The following METTL24 variants were observed in gnomAD, a reference collection of about 807,000 sequenced individuals.
The protein encoded by METTL24 is methyltransferase like 24, also known as probable methyltransferase-like protein 24.
A neutral mutation model predicts 32.7 loss-of-function variants in METTL24; 29 were observed. The observed-to-expected ratio is 0.89, with a 90% confidence interval of 0.66 to 1.21. The LOEUF is 1.21. Ranked by LOEUF, METTL24 falls within the 50% of genes most tolerant of loss-of-function variation. The probability of loss-of-function intolerance (pLI) is 0.00; values close to 1 mark genes in which losing one functional copy is unlikely to be tolerated. For synonymous variants in METTL24, 163 were observed against 179.5 expected (o/e 0.91, Z 0.73); for missense variants, 439 against 468.1 (o/e 0.94, Z 0.57).
intron 1 of METTL24, chr6:110,332,402 G>T: frequency 4.0e-6 from 2 of 495,946 alleles, no homozygotes; most frequent in Non-Finnish European, 5.2e-6. Context: ...ATATATTTTA[G>T]ATTTTTATCA....
intron 1 of METTL24, among the ~76,000 whole-genome samples, chr6:110,326,563 A>T (rs113442106): frequency 0.066 from 9,992 of 152,272 alleles, 1,108 homozygotes; most frequent in African/African-American, 0.23. Context: ...TCAGTCAGGG[A>T]CCCAGCAGGA....
At chr6:110,255,306 A>G (rs1242845274) in intron 4 of METTL24, among the ~76,000 whole-genome samples, 1 of 152,214 alleles carries the variant, frequency 6.6e-6, no homozygotes, top group Non-Finnish European at 1.5e-5. Context: ...AGCTTGATGA[A>G]ATAATCCAAC....
In METTL24 at chr6:110,345,674, G is replaced by A. The variant is rs189812816; in HGVS notation, c.318+12281C>T. 3.9e-5 allele frequency among the ~76,000 whole-genome samples: 6 copies of A among 152,262 alleles called. No homozygotes were observed. In the East Asian group the frequency reaches 1.2e-3, roughly 29 times the overall value. ...CATTACTGTTAGTAAACTAATACAGGAACAGAAAACCAAATACCGTATATT... is the reference window on the plus strand; with the variant it reads ...CATTACTGTTAGTAAACTAATACAGAAACAGAAAACCAAATACCGTATATT... On this transcript the variant is annotated intron_variant, in intron 1 of 4. Coordinates refer to ENST00000338882, the MANE Select transcript of METTL24 (RefSeq NM_001123364.3).
chr6:110,276,450 T>A (rs1343537278), intron 4 of METTL24, among the ~76,000 whole-genome samples: 1 of 152,028 alleles, frequency 6.6e-6, no homozygotes, highest in Non-Finnish European at 1.5e-5. Context: ...GGCTGTGTCT[T>A]AAAAACAAAC....
chr6:110,350,803 A>C (rs576069109), intron 1 of METTL24, among the ~76,000 whole-genome samples: 3 of 150,272 alleles, frequency 2.0e-5, no homozygotes, highest in South Asian at 4.2e-4. Context: ...AAAATAAAAT[A>C]AAATAAAATA....
intron 3 of METTL24, among the ~76,000 whole-genome samples, chr6:110,304,576 G>A (rs1771594902): frequency 6.6e-6 from 1 of 152,186 alleles, no homozygotes. Flanking sequence ...ATCAGAGATT[G>A]AAGATCGACT....
At chr6:110,338,069 C>T (rs1392893407) in intron 1 of METTL24, among the ~76,000 whole-genome samples, 1 of 152,190 alleles carries the variant, frequency 6.6e-6, no homozygotes, top group Non-Finnish European at 1.5e-5. Flanking sequence ...ATGATATAAT[C>T]CTCAGGGCTG....
At chr6:110,270,837 C>CT (rs3075091) in intron 4 of METTL24, among the ~76,000 whole-genome samples, 12,744 of 124,698 alleles carry the variant, frequency 0.1, 1,275 homozygotes, top group African/African-American at 0.25. Flanking sequence ...CATCTTGATT[C>CT]TTTTTTTTTT....
chr6:110,351,805 T>A (rs1034254755), intron 1 of METTL24, among the ~76,000 whole-genome samples: 2 of 152,202 alleles, frequency 1.3e-5, no homozygotes, highest in African/African-American at 4.8e-5. Flanking sequence ...ACCTGTATTA[T>A]AATAGCACTT....
At chr6:110,300,870 A>G (rs1472260309) in intron 3 of METTL24, among the ~76,000 whole-genome samples, 2 of 152,238 alleles carry the variant, frequency 1.3e-5, no homozygotes, top group African/African-American at 4.8e-5. Context: ...CAGTATAATC[A>G]CTATTACATG....
chr6:110,286,788 G>T (rs537597427), intron 4 of METTL24, among the ~76,000 whole-genome samples: 6 of 152,176 alleles, frequency 3.9e-5, no homozygotes, highest in Non-Finnish European at 8.8e-5. Context: ...CCCTTAATCC[G>T]AGTGGGCACA....
At chr6:110,296,378 T>C (rs1771419847) in intron 4 of METTL24, among the ~76,000 whole-genome samples, 1 of 152,360 alleles carries the variant, frequency 6.6e-6, no homozygotes, top group African/African-American at 2.4e-5. Context: ...AGACAGTTAA[T>C]CATTTCACAT....
chr6:110,355,754 G>A (rs1772686858), intron 1 of METTL24, among the ~76,000 whole-genome samples: 1 of 152,116 alleles, frequency 6.6e-6, no homozygotes, highest in Admixed American at 6.5e-5. Context: ...AAACAAGAGA[G>A]AAATAACTGC....
chr6:110,306,917 C>T (rs1015729805), intron 3 of METTL24, among the ~76,000 whole-genome samples: 3 of 152,174 alleles, frequency 2.0e-5, no homozygotes, highest in African/African-American at 7.2e-5. Context: ...TATTTGTGAT[C>T]TCAGGTCTAG....
At chr6:110,280,581 T>TATTAAG (rs1302459878) in intron 4 of METTL24, among the ~76,000 whole-genome samples, 4 of 152,116 alleles carry the variant, frequency 2.6e-5, no homozygotes, top group Non-Finnish European at 4.4e-5. Context: ...ATAGTATATA[T>TATTAAG]GGCCATCCCA....
At chr6:110,331,665 A>C (rs940450413) in intron 1 of METTL24, among the ~76,000 whole-genome samples, 2 of 145,286 alleles carry the variant, frequency 1.4e-5, no homozygotes, top group African/African-American at 4.9e-5. Context: ...GCCTCAAAAA[A>C]AAAAAAAAAA....
At chr6:110,329,788 A>G (rs530294293) in intron 1 of METTL24, among the ~76,000 whole-genome samples, 1 of 152,224 alleles carries the variant, frequency 6.6e-6, no homozygotes, top group Non-Finnish European at 1.5e-5. Context: ...CAGGTAACCC[A>G]TGCAAAAATT....
intron 4 of METTL24, among the ~76,000 whole-genome samples, chr6:110,246,950 T>TA (rs5879062): frequency 0.088 from 12,633 of 143,164 alleles, 543 homozygotes; most frequent in South Asian, 0.17. Flanking sequence ...ATAGCATTCT[T>TA]AAAAAAAAAA....
intron 1 of METTL24, among the ~76,000 whole-genome samples, chr6:110,348,118 C>T (rs868615264): frequency 2.0e-5 from 3 of 152,200 alleles, no homozygotes; most frequent in African/African-American, 7.2e-5. Context: ...GAACACAGAC[C>T]GTATTCATTG....
Sources: gnomAD v4.1 joint callset for allele counts (sites outside exome capture counted in the v4.1 genomes callset) on GRCh38, gnomAD v4.1.1 for gene constraint, MANE v1.5 for transcripts, NCBI Gene and HGNC (gene_info 2026-07-23, HGNC 2026-07-21) for gene names.